INAVA: variants seen among roughly 807,000 people sequenced by gnomAD.
The protein encoded by INAVA is innate immunity activator.
Under a neutral mutation model 55.3 loss-of-function variants are expected in INAVA, and 32 were observed. That is an observed-to-expected ratio of 0.58 (90% CI 0.44 to 0.78). The LOEUF is 0.78. Ranked by LOEUF, INAVA falls within the 30% of genes least tolerant of loss-of-function variation. INAVA has a pLI of 0.00. For missense variants in INAVA, 756 were observed against 786.4 expected, an observed-to-expected ratio of 0.96 and a Z score of 0.46; for synonymous variants, 294 against 329.4, an observed-to-expected ratio of 0.89 and a Z score of 1.16.
intron 8 of INAVA, among the ~76,000 whole-genome samples, chr1:200,911,134 TAAAAAAAGTACTTAATGTAGTACTTTA>T (rs1172485036): frequency 0.035 from 672 of 18,956 alleles, 8 homozygotes; most frequent in African/African-American, 0.15. Flanking sequence ...TGTAGTACTT[TAAAAAAAGTACTTAATGTAGTACTTTA>T]AAAAAAGTAC....
Position 200,911,855 on chromosome 1 carries a change from C to G in INAVA, c.1362C>G (p.Arg454=), listed in dbSNP as rs1169669909. 6.3e-7 allele frequency: 1 copy of G among 1,593,978 alleles called. No homozygotes were observed. Among genetic ancestry groups the G allele is most frequent in the Non-Finnish European group, 8.5e-7 (1 of 1,176,078 alleles). The part of the protein sequence containing the change: ...PLPPGEWELR[R]AAPGPAYEEE... ...CGCCTGGCGAGTGGGAGCTGCGCCG[C>G]GCAGCCCCGGGCCCTGCTTACGAGG... is the stretch of plus-strand genomic sequence containing the variant. The change falls in exon 9 of 10, where the codon CGC becomes CGG. Residue 454 remains arginine (R), a synonymous_variant. Coordinates refer to ENST00000413687, the MANE Select transcript of INAVA (RefSeq NM_001142569.3).
At chr1:200,894,296 G>A (rs188823791), upstream of INAVA, among the ~76,000 whole-genome samples, 189 of 152,260 alleles carry the variant, frequency 1.2e-3, no homozygotes, top group Middle Eastern at 6.8e-3. Context: ...AATCAACAGA[G>A]AAGTGATGGC....
intron 9 of INAVA, among the ~76,000 whole-genome samples, chr1:200,912,482 G>A (rs1356251938): frequency 2.0e-5 from 3 of 152,118 alleles, no homozygotes; most frequent in Non-Finnish European, 2.9e-5. Context: ...GTCCAAATCA[G>A]CCCCTCAGAT....
At chr1:200,900,257 C>T (rs1428032612) in intron 4 of INAVA, 37 bp downstream of exon 4, 24 of 1,564,450 alleles carry the variant, frequency 1.5e-5, no homozygotes, top group Non-Finnish European at 2.1e-5. Flanking sequence ...ACCCCTCGAT[C>T]CCCAAAGCTG....
Position 200,911,726 on chromosome 1 carries a change from C to T in INAVA, c.1233C>T (p.Val411=), listed in dbSNP as rs1653738298. 1.2e-6 allele frequency: 2 copies of T among 1,612,796 alleles called. No individual in the cohort carries two copies. Among genetic ancestry groups the T allele is most frequent in the Non-Finnish European group, 1.7e-6 (2 of 1,179,122 alleles). The change falls in exon 9 of 10, where the codon GTC becomes GTT. Residue 411 remains valine (V), a synonymous_variant. Coordinates refer to ENST00000413687, the MANE Select transcript of INAVA (RefSeq NM_001142569.3). ...CCCATCGTCACCGCGGGGCCTGGGTCCCAGCCGGCAGCAGAGAGCTGGTCG... is the reference window on the plus strand; with the variant it reads ...CCCATCGTCACCGCGGGGCCTGGGTTCCAGCCGGCAGCAGAGAGCTGGTCG... The part of the protein sequence containing the change: ...PKTHRHRGAW[V]PAGSRELVAH...
chr1:200,893,957 G>A (rs1232062603), upstream of INAVA, among the ~76,000 whole-genome samples: 1 of 152,052 alleles, frequency 6.6e-6, no homozygotes, highest in East Asian at 1.9e-4. Context: ...CAGAGAGTGG[G>A]GGGAAAGGGA....
chr1:200,906,098 T>A (rs745368181), intron 5 of INAVA: 8 of 152,278 alleles, frequency 5.3e-5, no homozygotes, highest in Non-Finnish European at 1.0e-4. Flanking sequence ...TATAAAGTGC[T>A]GTATTTAGAA....
intron 4 of INAVA, 107 bp downstream of exon 4, chr1:200,900,327 AC>A: frequency 1.0e-6 from 1 of 977,880 alleles, no homozygotes; most frequent in Non-Finnish European, 1.6e-6. Context: ...ACCCTTTCAC[AC>A]CCAGTGAGGG....
rs61825268 is a variant in INAVA at position 200,908,449 on chromosome 1, C to T, written c.575-281C>T. Reference sequence around the variant, plus strand: ...CAAAAGATAACTGCAGACATGGTACCAGGAACAAAGGTTAGAAAGTGGAGC... The same window carrying T: ...CAAAAGATAACTGCAGACATGGTACTAGGAACAAAGGTTAGAAAGTGGAGC... On this transcript the variant is annotated intron_variant, in intron 6 of 9. Transcript: ENST00000413687. 5.0e-3 allele frequency: 1,651 copies of T among 330,466 alleles called. 9 individuals carry two copies. The highest frequency in any genetic ancestry group is 6.8e-3 in the Non-Finnish European group (1,245 of 183,356). The allele number at this position is 330,466 out of a possible 1,614,324, so 20.5% of individuals were successfully genotyped here.
intron 5 of INAVA, 60 bp downstream of exon 5, chr1:200,901,219 G>A: frequency 1.4e-6 from 2 of 1,419,528 alleles, no homozygotes; most frequent in Non-Finnish European, 1.9e-6. Context: ...GGGATGGTGG[G>A]CGCACAGCCC....
chr1:200,895,184 C>G, intron 1 of INAVA, 97 bp downstream of exon 1: 1 of 917,900 alleles, frequency 1.1e-6, no homozygotes, highest in Non-Finnish European at 1.3e-6. Flanking sequence ...CCCTCCGACC[C>G]CCACCCCCGC....
chr1:200,900,340 G>A, intron 4 of INAVA, 120 bp downstream of exon 4: 1 of 857,478 alleles, frequency 1.2e-6, no homozygotes, highest in Admixed American at 2.4e-5. Flanking sequence ...CAGTGAGGGT[G>A]CTTGGCTGCC....
chr1:200,891,790 G>C (rs1387364060), upstream of INAVA: 1 of 988,502 alleles, frequency 1.0e-6, no homozygotes, highest in Non-Finnish European at 1.4e-6. Flanking sequence ...CCTTAGCGGA[G>C]GGTGCCCTAC....
chr1:200,913,495 T>G (rs181040115), intron 9 of INAVA, 42 bp from the exon 10 acceptor site: 1 of 1,520,782 alleles, frequency 6.6e-7, no homozygotes, highest in Non-Finnish European at 9.1e-7. Flanking sequence ...CTTTTCTGCC[T>G]GGTTCATTTA....
rs1467339050 is a variant in INAVA at position 200,896,819 on chromosome 1, G to A, written c.-94-1488G>A. Among the ~76,000 whole-genome samples, 5 of 152,266 alleles carry A rather than the reference G, an allele frequency of 3.3e-5. 1 individual carries two copies. Among genetic ancestry groups the A allele is most frequent in the African/African-American group, 1.2e-4 (5 of 41,472 alleles). On this transcript the variant is annotated intron_variant, in intron 1 of 9. Coordinates refer to ENST00000413687, the MANE Select transcript of INAVA (RefSeq NM_001142569.3). ...TTCCCAAGGCCGACTTTTCTGTCGT[G>A]TTGGCTGCCTGAGGAGGGGTGGAGC...
In INAVA at chr1:200,899,486, G is replaced by C. The variant is rs146632523; in HGVS notation, c.69G>C (p.Pro23=). The change falls in exon 3 of 10, where the codon CCG becomes CCC. Residue 23 remains proline, a synonymous_variant. Transcript: ENST00000413687. ...GIILQSGPDS[P]VSPMKELTHA... ...CAACCCTTGCAGGCCCCGACAGCCC[G>C]GTCTCCCCAATGAAGGAGCTGACCC... The C allele has an allele frequency of 6.2e-7, 1 of 1,614,014 alleles. No homozygotes were observed. Among genetic ancestry groups the C allele is most frequent in the Non-Finnish European group, 8.5e-7 (1 of 1,179,998 alleles).
At chr1:200,900,408 C>G (rs570980539) in intron 4 of INAVA, among the ~76,000 whole-genome samples, 188 bp downstream of exon 4, 3 of 152,328 alleles carry the variant, frequency 2.0e-5, no homozygotes, top group Non-Finnish European at 4.4e-5. Context: ...AGGGGCGCCA[C>G]TAAGGAACCG....
rs771056460 is a variant in INAVA, at chr1:200,900,117, C to T, written c.194C>T (p.Thr65Ile). Residue 65 changes from threonine (T) to isoleucine (I), a missense_variant, in exon 4 of 10, where the codon ACC becomes ATC. By Grantham distance (89) the Thr-to-Ile change is moderately conservative. Transcript: ENST00000413687. Reference protein sequence around the residue: ...LCLREAELTGTLPAEYPLKPG... With the variant: ...LCLREAELTGILPAEYPLKPG... ...CTTCCTCCCCAGGAGCTGACGGGCA[C>T]CTTGCCAGCGGAGTATCCCCTCAAA... 5 of 1,612,996 alleles carry T rather than the reference C, an allele frequency of 3.1e-6. No individual in the cohort carries two copies. Among genetic ancestry groups the T allele is most frequent in the East Asian group, 4.5e-5 (2 of 44,840 alleles).
intron 5 of INAVA, among the ~76,000 whole-genome samples, chr1:200,906,742 G>T (rs1427869525): frequency 6.6e-6 from 1 of 152,090 alleles, no homozygotes; most frequent in Non-Finnish European, 1.5e-5. Context: ...CGTTCCTCTT[G>T]TTGTTGGTAA....
Sources: allele counts gnomAD v4.1 joint callset (sites outside exome capture counted in the v4.1 genomes callset), GRCh38; gene constraint gnomAD v4.1.1; transcripts MANE v1.5; gene names NCBI Gene and HGNC (gene_info 2026-07-23, HGNC 2026-07-21).